OVCH1: variants seen among roughly 807,000 people sequenced by gnomAD.
OVCH1 encodes the protein ovochymase 1, also known as ovochymase-1.
A neutral mutation model predicts 138.4 loss-of-function variants in OVCH1; 139 were observed. That is an observed-to-expected ratio of 1.00 (90% CI 0.87 to 1.16). The LOEUF (loss-of-function observed/expected upper bound fraction) is 1.16. Ranked by LOEUF, OVCH1 falls within the 50% of genes most tolerant of loss-of-function variation. The pLI is 0.00. For synonymous variants in OVCH1, 453 were observed against 467.8 expected (o/e 0.97, Z 0.41); for missense variants, 1,367 against 1,357.9 (o/e 1.01, Z -0.11).
intron 19 of OVCH1, among the ~76,000 whole-genome samples, chr12:29,457,596 G>C (rs1049488735): frequency 6.6e-6 from 1 of 151,526 alleles, no homozygotes; most frequent in African/African-American, 2.4e-5. Context: ...GTAGAGACAG[G>C]GTTTCACCAT....
At chr12:29,463,772 A>G (rs985244563) in intron 18 of OVCH1, among the ~76,000 whole-genome samples, 1 of 152,196 alleles carries the variant, frequency 6.6e-6, no homozygotes, top group Non-Finnish European at 1.5e-5. Flanking sequence ...CAGGTAGCAC[A>G]GTAAGCTGTC....
At chr12:29,419,024 T>C (rs1383456365) in intron 3 of OVCH1, among the ~76,000 whole-genome samples, 1 of 151,990 alleles carries the variant, frequency 6.6e-6, no homozygotes, top group African/African-American at 2.4e-5. Flanking sequence ...CCAGCTAATT[T>C]TTTTTAGTTT....
intron 26 of OVCH1, chr12:29,433,829 A>T (rs1239992881): frequency 7.2e-7 from 1 of 1,384,028 alleles, no homozygotes; most frequent in Non-Finnish European, 9.6e-7. Flanking sequence ...ATTAAGTAAA[A>T]TGTTTTTAAT....
chr12:29,442,893 G>A (rs188273736), intron 25 of OVCH1, among the ~76,000 whole-genome samples: 199 of 151,880 alleles, frequency 1.3e-3, no homozygotes, highest in African/African-American at 4.5e-3. Context: ...TTATCAACTT[G>A]TAAAGATGTT....
At chr12:29,441,811 G>T (rs531345031) in intron 25 of OVCH1, among the ~76,000 whole-genome samples, 7 of 152,106 alleles carry the variant, frequency 4.6e-5, no homozygotes, top group African/African-American at 7.2e-5. Flanking sequence ...AATGGGCAAA[G>T]GACATGAACA....
At chr12:29,451,991 T>C (rs935370942) in intron 21 of OVCH1, among the ~76,000 whole-genome samples, 5 of 152,166 alleles carry the variant, frequency 3.3e-5, no homozygotes, top group Admixed American at 2.0e-4. Context: ...AAAAGATAAC[T>C]TGCTGGATAT....
At chr12:29,429,011 G>A (rs1941224888) in intron 27 of OVCH1, among the ~76,000 whole-genome samples, 1 of 152,114 alleles carries the variant, frequency 6.6e-6, no homozygotes, top group South Asian at 2.1e-4. Context: ...CATGTACAAG[G>A]CCCTGAGTTT....
intron 27 of OVCH1, among the ~76,000 whole-genome samples, chr12:29,429,438 A>G (rs1941232223): frequency 6.6e-6 from 1 of 152,202 alleles, no homozygotes; most frequent in African/African-American, 2.4e-5. Flanking sequence ...CACTGACAAC[A>G]AATGCTATTG....
chr12:29,436,265 A>T (rs1941357477), intron 26 of OVCH1, among the ~76,000 whole-genome samples: 1 of 141,042 alleles, frequency 7.1e-6, no homozygotes, highest in Admixed American at 7.5e-5. Context: ...TTAATAATAT[A>T]AGTATAGCTA....
At chr12:29,497,009 G>A (rs781670601) in intron 1 of OVCH1, among the ~76,000 whole-genome samples, 10 of 152,156 alleles carry the variant, frequency 6.6e-5, no homozygotes, top group Non-Finnish European at 1.3e-4. Context: ...AGTGGTTCCC[G>A]CCTGTAATCC....
At chr12:29,412,011 C>T (rs374374010), downstream of OVCH1, among the ~76,000 whole-genome samples, 4 of 152,156 alleles carry the variant, frequency 2.6e-5, no homozygotes, top group Admixed American at 6.5e-5. Flanking sequence ...TGGGCAATGG[C>T]GGGCACCCCT....
At chr12:29,408,782 G>A (rs1351327718), downstream of OVCH1, among the ~76,000 whole-genome samples, 1 of 149,986 alleles carries the variant, frequency 6.7e-6, no homozygotes. Context: ...TTTTTGTTGT[G>A]TCTCTGCCAG....
intron 26 of OVCH1, chr12:29,439,257 T>C: frequency 7.7e-7 from 1 of 1,295,432 alleles, no homozygotes; most frequent in Non-Finnish European, 9.9e-7. Context: ...TTGTCACTTC[T>C]CTTATTTATT....
chr12:29,433,955 G>A, intron 26 of OVCH1: 4 of 635,302 alleles, frequency 6.3e-6, no homozygotes, highest in East Asian at 4.6e-5. Flanking sequence ...GAGTGTGAAT[G>A]GATTAATCTT....
intron 26 of OVCH1, chr12:29,439,256 CTCTT>C (rs1941423394): frequency 1.5e-6 from 2 of 1,291,116 alleles, no homozygotes; most frequent in East Asian, 5.6e-5. Context: ...TTTGTCACTT[CTCTT>C]ATTTATTGTT....
chr12:29,446,764 C>T (rs745808632), intron 22 of OVCH1, among the ~76,000 whole-genome samples: 2 of 151,448 alleles, frequency 1.3e-5, no homozygotes, highest in Non-Finnish European at 2.9e-5. Flanking sequence ...TTAAAGGAAG[C>T]AGGTATAGAG....
chr12:29,427,718 G>A, intron 27 of OVCH1: 1 of 1,515,888 alleles, frequency 6.6e-7, no homozygotes, highest in Non-Finnish European at 8.8e-7. Flanking sequence ...CTTGAATGGG[G>A]TGATAGCCTA....
chr12:29,490,481 T>A (rs1403778829), intron 5 of OVCH1, among the ~76,000 whole-genome samples: 1 of 152,202 alleles, frequency 6.6e-6, no homozygotes, highest in Non-Finnish European at 1.5e-5. Context: ...CAAAGTGATG[T>A]TTTAATATAT....
Position 29,451,160 on chromosome 12 carries a change from T to TATAATAATA in OVCH1, c.2755+184_2755+185insTATTATTAT, listed in dbSNP as rs754903189. 2.0e-5 allele frequency among the ~76,000 whole-genome samples: 3 copies of TATAATAATA among 149,876 alleles called. No individual in the cohort carries two copies. In the East Asian group the frequency reaches 5.9e-4, roughly 30 times the overall value. On this transcript the variant is annotated intron_variant, in intron 22 of 27. Coordinates refer to ENST00000318184, the Ensembl canonical transcript of OVCH1. ...TGCACATGTAACCCAGAACTTAAAG[T>TATAATAATA]ATAATCATAATAATAATAATAATAA...
Sources: allele counts gnomAD v4.1 joint callset (sites outside exome capture counted in the v4.1 genomes callset), GRCh38; gene constraint gnomAD v4.1.1; transcripts MANE v1.5; gene names NCBI Gene and HGNC (gene_info 2026-07-23, HGNC 2026-07-21).